CTDP1: variants seen among roughly 807,000 people sequenced by gnomAD.
The protein encoded by CTDP1 is CTD phosphatase 1, also known as RNA polymerase II subunit A C-terminal domain phosphatase.
Under a neutral mutation model 91.8 loss-of-function variants are expected in CTDP1, and 47 were observed. That is an observed-to-expected ratio of 0.51 (90% confidence interval 0.41 to 0.65). The LOEUF (loss-of-function observed/expected upper bound fraction) is 0.65. Ranked by LOEUF, CTDP1 falls within the 30% of genes least tolerant of loss-of-function variation. The pLI is 0.00. For missense variants in CTDP1, 1,272 were observed against 1,373.7 expected, an observed-to-expected ratio of 0.93 and a Z score of 1.17; for synonymous variants, 656 against 598.5, an observed-to-expected ratio of 1.10 and a Z score of -1.40.
At chr18:79,720,722 C>G (rs1364466136) in intron 10 of CTDP1, among the ~76,000 whole-genome samples, 1 of 152,188 alleles carries the variant, frequency 6.6e-6, no homozygotes, top group Non-Finnish European at 1.5e-5. Flanking sequence ...AACACTGCTT[C>G]TCTAGCTCTT....
chr18:79,714,928 G>A lies in CTDP1; in HGVS notation c.1468G>A (p.Ala490Thr), dbSNP rs1158999119. ...GKRGRQKPKAAPEGAGALAQG... is the reference protein window; with the variant it reads ...GKRGRQKPKATPEGAGALAQG... ...AAGAGGCCGGCAGAAGCCGAAGGCT[G>A]CCCCAGAGGGAGCCGGGGCGCTGGC... Residue 490 changes from alanine to threonine, a missense_variant, in exon 8 of 13, where the codon GCC becomes ACC. Physicochemically the swap from Ala to Thr is moderately conservative, Grantham distance 58 (BLOSUM62 0). Coordinates refer to ENST00000613122, the MANE Select transcript of CTDP1 (RefSeq NM_004715.5). 2 of 1,564,672 alleles carry A rather than the reference G, an allele frequency of 1.3e-6. No homozygotes were observed. Among genetic ancestry groups the A allele is most frequent in the Non-Finnish European group, 1.7e-6 (2 of 1,154,882 alleles).
chr18:79,730,313 G>A (rs72976142), intron 11 of CTDP1, among the ~76,000 whole-genome samples: 2 of 152,334 alleles, frequency 1.3e-5, no homozygotes, highest in Non-Finnish European at 2.9e-5. Context: ...AGGACCAGGG[G>A]TGGGAGGAGA....
upstream of CTDP1, chr18:79,679,053 C>A (rs1263316435): frequency 4.1e-6 from 1 of 242,992 alleles, no homozygotes; most frequent in Non-Finnish European, 8.3e-6. Context: ...AAGCCACTTG[C>A]GGCTGCTGCT....
intron 1 of CTDP1, among the ~76,000 whole-genome samples, chr18:79,690,143 C>A (rs2085589649): frequency 6.6e-6 from 1 of 152,188 alleles, no homozygotes; most frequent in Admixed American, 6.5e-5. Context: ...CCCTGGAGCC[C>A]TCCTGATCTG....
In CTDP1 at chr18:79,736,399, G is replaced by A. The variant is rs1267817434; in HGVS notation, c.2625G>A (p.Glu875=). The A allele has an allele frequency of 1.3e-6, 2 of 1,549,406 alleles. No individual in the cohort carries two copies. Among genetic ancestry groups the A allele is most frequent in the African/African-American group, 2.7e-5 (2 of 73,002 alleles). Residue 875 remains glutamate, a synonymous_variant, in exon 12 of 13, where the codon GAG becomes GAA. Transcript: ENST00000613122. Reference sequence around the variant, plus strand: ...AAGGCAGCGACGACAGCGACAGCGAGAAGAGGAGGCCTGAGGAGCAGGAGG... The same window carrying A: ...AAGGCAGCGACGACAGCGACAGCGAAAAGAGGAGGCCTGAGGAGCAGGAGG... The part of the protein sequence containing the change: ...LGEGSDDSDS[E]KRRPEEQEEE...
At chr18:79,719,715 G>T (rs568753694) in intron 10 of CTDP1, among the ~76,000 whole-genome samples, 1 of 150,658 alleles carries the variant, frequency 6.6e-6, no homozygotes, top group East Asian at 2.0e-4. Context: ...TTAGGAAGGC[G>T]TCCTGGTGAT....
At chr18:79,676,824 G>A (rs542650661), upstream of CTDP1, among the ~76,000 whole-genome samples, 40 of 152,300 alleles carry the variant, frequency 2.6e-4, 1 homozygote, top group South Asian at 8.1e-3. Flanking sequence ...GTTTCAATCT[G>A]TTGATACTAA....
chr18:79,731,895 A>C (rs546166086), intron 11 of CTDP1, among the ~76,000 whole-genome samples: 2 of 152,304 alleles, frequency 1.3e-5, no homozygotes, highest in Admixed American at 1.3e-4. Flanking sequence ...TAACATCAGG[A>C]GTGCTCCCAA....
At chr18:79,738,267 G>A (rs904792226) in intron 12 of CTDP1, among the ~76,000 whole-genome samples, 3 of 152,232 alleles carry the variant, frequency 2.0e-5, no homozygotes, top group African/African-American at 7.2e-5. Context: ...GGTAACCTCG[G>A]AGGCTTTGTC....
chr18:79,746,488 A>T (rs1208026502), intron 12 of CTDP1, among the ~76,000 whole-genome samples: 1 of 152,138 alleles, frequency 6.6e-6, no homozygotes, highest in African/African-American at 2.4e-5. Context: ...TAGCACGCGG[A>T]GTTTTGGTTT....
chr18:79,747,869 T>C (rs1291249443), intron 12 of CTDP1, among the ~76,000 whole-genome samples: 2 of 152,166 alleles, frequency 1.3e-5, no homozygotes, highest in East Asian at 3.9e-4. Context: ...GATGCTGGTG[T>C]GACACAATTG....
At chr18:79,698,064 C>G in intron 4 of CTDP1, 76 bp downstream of exon 4, 1 of 1,583,092 alleles carries the variant, frequency 6.3e-7, no homozygotes, top group Non-Finnish European at 8.6e-7. Context: ...AGTGTGTTCT[C>G]TTGTTTTTTA....
intron 3 of CTDP1, among the ~76,000 whole-genome samples, chr18:79,696,863 G>A (rs565191246): frequency 7.2e-5 from 11 of 152,318 alleles, no homozygotes; most frequent in South Asian, 2.1e-4. Context: ...GCTTCACCCC[G>A]TGGGTGAAAA....
chr18:79,676,881 T>C (rs1326972645), upstream of CTDP1, among the ~76,000 whole-genome samples: 9 of 152,228 alleles, frequency 5.9e-5, no homozygotes, highest in Admixed American at 5.9e-4. Context: ...TAACAAAAGG[T>C]GGCACACCTA....
rs760761980 is a variant in CTDP1, at chr18:79,713,085, C to T, written c.977C>T (p.Thr326Met). ...TVKKYVYFQG[T>M]GDMNAPPGSR... ...AAGAAATATGTATACTTCCAGGGCACGGGTGATATGAATGCGCCCCCTGGG... is the reference window on the plus strand; with the variant it reads ...AAGAAATATGTATACTTCCAGGGCATGGGTGATATGAATGCGCCCCCTGGG... The change falls in exon 7 of 13, where the codon ACG becomes ATG. Residue 326 changes from threonine (T) to methionine (M), a missense_variant. Physicochemically the swap from Thr to Met is moderately conservative, Grantham distance 81. Around this residue, in one of 3 missense-constraint regions of CTDP1, gnomAD observed 881 missense variants for 911.6 expected, o/e 0.97. Coordinates refer to ENST00000613122, the MANE Select transcript of CTDP1 (RefSeq NM_004715.5). This position sits in a 1 kb window ranked among gnomAD's most constrained non-coding sequence, Gnocchi z 4.7. 7 of 1,613,976 alleles carry T rather than the reference C, an allele frequency of 4.3e-6. No homozygotes were observed. The highest frequency in any genetic ancestry group is 1.7e-5 in the Admixed American group (1 of 59,998).
At chr18:79,731,641 A>G (rs959046230) in intron 11 of CTDP1, among the ~76,000 whole-genome samples, 2 of 152,240 alleles carry the variant, frequency 1.3e-5, no homozygotes, top group Admixed American at 6.5e-5. Context: ...CACGTCCAGA[A>G]CATGCCTAAG....
intron 4 of CTDP1, among the ~76,000 whole-genome samples, chr18:79,704,335 C>T (rs1490874546): frequency 4.6e-5 from 7 of 151,536 alleles, no homozygotes; most frequent in Non-Finnish European, 7.4e-5. Context: ...CGGGTGCAAA[C>T]GCATCCTCTG....
At chr18:79,711,818 T>C (rs1157625202) in intron 6 of CTDP1, among the ~76,000 whole-genome samples, 1 of 152,228 alleles carries the variant, frequency 6.6e-6, no homozygotes, top group Non-Finnish European at 1.5e-5. Flanking sequence ...AAAGACTTTT[T>C]AATATTCTTT....
Position 79,753,903 on chromosome 18 carries a change from A to C in CTDP1, c.*113A>C. ...TGCTTTCTTCCCAAAGGACATGTAT[A>C]TTTGCAGAGCTCCACATACAGAAAC... On this transcript the variant is annotated 3_prime_UTR_variant, in exon 13 of 13. Transcript: ENST00000613122. The C allele has an allele frequency of 1.1e-5, 16 of 1,392,422 alleles. No individual in the cohort carries two copies. The highest frequency in any genetic ancestry group is 1.6e-5 in the Non-Finnish European group (16 of 1,010,308). The allele number at this position is 1,392,422 out of a possible 1,614,324, so 86.3% of individuals were successfully genotyped here. A position where few individuals can be genotyped will look rare whatever the true frequency, so the allele number is the denominator to read the frequency against.
Sources: allele counts gnomAD v4.1 joint callset (sites outside exome capture counted in the v4.1 genomes callset), GRCh38; gene constraint gnomAD v4.1.1; regional missense constraint gnomAD v4.1.1; non-coding constraint Gnocchi (gnomAD v3.1); transcripts MANE v1.5; gene names NCBI Gene and HGNC (gene_info 2026-07-23, HGNC 2026-07-21).